Variants in LOC122539214 observed in about 807,000 individuals in gnomAD.
At chr19:52,677,116 T>G in the LOC122539214 span, among the ~76,000 whole-genome samples, 2 of 78,080 alleles carry the variant, frequency 2.6e-5, no homozygotes, top group East Asian at 2.9e-4. Flanking sequence ...CACCCAAGAA[T>G]GATCAATTAA....
the LOC122539214 span, among the ~76,000 whole-genome samples, chr19:52,672,068 T>C: frequency 6.6e-6 from 1 of 152,068 alleles, no homozygotes; most frequent in African/African-American, 2.4e-5. Flanking sequence ...ACCCCATCTG[T>C]ACTAAAAATA....
At chr19:52,666,618 C>CAAAA in the LOC122539214 span, among the ~76,000 whole-genome samples, 7 of 105,798 alleles carry the variant, frequency 6.6e-5, no homozygotes, top group African/African-American at 6.7e-5. Context: ...TATCCTAAGT[C>CAAAA]AAAAAAAAAA....
the LOC122539214 span, among the ~76,000 whole-genome samples, chr19:52,688,757 T>C: frequency 6.6e-6 from 1 of 152,094 alleles, no homozygotes; most frequent in South Asian, 2.1e-4. Context: ...GTACTGCATT[T>C]ATTCACTCCA....
At chr19:52,680,314 T>C in the LOC122539214 span, among the ~76,000 whole-genome samples, 2 of 152,182 alleles carry the variant, frequency 1.3e-5, no homozygotes, top group African/African-American at 2.4e-5. Context: ...TCTAGGTACC[T>C]GTAGCTCTCC....
At chr19:52,682,655 G>A in the LOC122539214 span, among the ~76,000 whole-genome samples, 156 of 151,740 alleles carry the variant, frequency 1.0e-3, no homozygotes, top group Non-Finnish European at 1.9e-3. Context: ...GCAACAAAGC[G>A]AGACTCCATC....
chr19:52,689,238 T>A, the LOC122539214 span, among the ~76,000 whole-genome samples: 1 of 152,356 alleles, frequency 6.6e-6, no homozygotes, highest in East Asian at 1.9e-4. Context: ...ATGAATCCAC[T>A]GAGCCAGTGC....
chr19:52,666,239 AAGAG>A, the LOC122539214 span, among the ~76,000 whole-genome samples: 2 of 151,896 alleles, frequency 1.3e-5, no homozygotes, highest in African/African-American at 4.8e-5. Flanking sequence ...AAGGGAGTCA[AAGAG>A]AGAGGGAGAA....
the LOC122539214 span, among the ~76,000 whole-genome samples, chr19:52,689,510 C>T: frequency 2.0e-5 from 3 of 152,144 alleles, no homozygotes; most frequent in Non-Finnish European, 4.4e-5. Context: ...ATCCCTCCTC[C>T]TCTCCCTCAC....
At chr19:52,688,356 A>G in the LOC122539214 span, among the ~76,000 whole-genome samples, 1 of 148,216 alleles carries the variant, frequency 6.7e-6, no homozygotes, top group Admixed American at 6.7e-5. Context: ...TTTTTTTGGC[A>G]GAGATAAGGA....
chr19:52,681,523 C>G, the LOC122539214 span, among the ~76,000 whole-genome samples: 5 of 152,156 alleles, frequency 3.3e-5, no homozygotes, highest in Non-Finnish European at 7.3e-5. Flanking sequence ...ATACACTGTT[C>G]TAAGTGCTTC....
chr19:52,685,183 T>G, the LOC122539214 span, among the ~76,000 whole-genome samples: 1 of 152,318 alleles, frequency 6.6e-6, no homozygotes, highest in East Asian at 1.9e-4. Flanking sequence ...GCCAATCATT[T>G]CAGGGGCCAG....
chr19:52,664,229 C>T, the LOC122539214 span, among the ~76,000 whole-genome samples: 1 of 150,128 alleles, frequency 6.7e-6, no homozygotes, highest in Non-Finnish European at 1.5e-5. Context: ...GGTGTGGTGG[C>T]TCATGCCTGT....
chr19:52,689,814 C>CA, the LOC122539214 span, among the ~76,000 whole-genome samples: 1 of 152,264 alleles, frequency 6.6e-6, no homozygotes, highest in African/African-American at 2.4e-5. Flanking sequence ...AAGACGCCTG[C>CA]ATCCCGGAGG....
chr19:52,683,228 C>CTG, the LOC122539214 span, among the ~76,000 whole-genome samples: 4,812 of 127,788 alleles, frequency 0.038, 127 homozygotes, highest in East Asian at 0.068. Flanking sequence ...CCCTGTGACT[C>CTG]TGTGTGTGTG....
chr19:52,684,800 A>G, the LOC122539214 span, among the ~76,000 whole-genome samples: 1 of 152,112 alleles, frequency 6.6e-6, no homozygotes, highest in African/African-American at 2.4e-5. Context: ...TTTGGGAAAA[A>G]AAAAATGTGA....
the LOC122539214 span, among the ~76,000 whole-genome samples, chr19:52,668,161 C>T: frequency 4.5e-4 from 69 of 152,226 alleles, 1 homozygote; most frequent in Middle Eastern, 3.4e-3. Flanking sequence ...ACATCAGCAT[C>T]GGCCTGGGGA....
the LOC122539214 span, among the ~76,000 whole-genome samples, chr19:52,688,785 G>A: frequency 6.6e-6 from 1 of 151,838 alleles, no homozygotes; most frequent in African/African-American, 2.4e-5. Context: ...TAAAAGCTAA[G>A]GCCCACAATG....
the LOC122539214 span, among the ~76,000 whole-genome samples, chr19:52,662,628 C>T: frequency 1.3e-5 from 2 of 152,016 alleles, no homozygotes; most frequent in Non-Finnish European, 2.9e-5. Context: ...ATTACCATCT[C>T]GTATAGAAAA....
chr19:52,668,689 T>C, the LOC122539214 span, among the ~76,000 whole-genome samples: 1 of 152,202 alleles, frequency 6.6e-6, no homozygotes, highest in Non-Finnish European at 1.5e-5. Flanking sequence ...TATAAAGATG[T>C]AAATGCCTGG....
Sources: allele counts gnomAD v4.1 joint callset (sites outside exome capture counted in the v4.1 genomes callset), GRCh38; gene constraint gnomAD v4.1.1; transcripts MANE v1.5.